Variants in RANBP2 observed in about 807,000 individuals in gnomAD.
RANBP2 encodes E3 SUMO-protein ligase RanBP2.
In RANBP2, 57 loss-of-function variants were observed where a neutral mutation model predicts 303.6. The ratio of observed to expected loss-of-function variants is 0.19; its 90% CI spans 0.15 to 0.23. The LOEUF (loss-of-function observed/expected upper bound fraction) is 0.23, where lower values mean the gene tolerates loss of function less well. RANBP2 is among the 10% of genes least tolerant of loss of function. The pLI is 1.00. For synonymous variants in RANBP2, 1,167 were observed against 1,301.5 expected, an observed-to-expected ratio of 0.90 and a Z score of 2.23; for missense variants, 3,138 against 3,780.8, an observed-to-expected ratio of 0.83 and a Z score of 4.46.
the RANBP2 span, among the ~76,000 whole-genome samples, chr2:109,582,233 C>T: frequency 2.0e-5 from 3 of 152,084 alleles, no homozygotes; most frequent in Admixed American, 2.0e-4. Flanking sequence ...TGAAAAAATG[C>T]TCATGGAATC....
chr2:109,130,243 C>G, the RANBP2 span: 2 of 906,494 alleles, frequency 2.2e-6, no homozygotes, highest in East Asian at 3.4e-5. Context: ...TCCGCTGTTG[C>G]TCTTCCTCCA....
the RANBP2 span, among the ~76,000 whole-genome samples, chr2:109,015,181 G>C: frequency 4.5e-4 from 65 of 145,332 alleles, no homozygotes; most frequent in Non-Finnish European, 8.2e-4. Context: ...AACTCAGAGA[G>C]TTGTGGTGGG....
At chr2:109,493,204 T>C in the RANBP2 span, among the ~76,000 whole-genome samples, 1 of 148,994 alleles carries the variant, frequency 6.7e-6, no homozygotes, top group Admixed American at 6.7e-5. Flanking sequence ...ACATATATCA[T>C]ATAAACACTC....
intron 7 of RANBP2, among the ~76,000 whole-genome samples, chr2:108,742,377 C>G (rs1696180958): frequency 6.6e-6 from 1 of 152,084 alleles, no homozygotes; most frequent in Non-Finnish European, 1.5e-5. Context: ...AATCTCAGCT[C>G]ACTGCAACCT....
chr2:109,713,350 C>T, the RANBP2 span, among the ~76,000 whole-genome samples: 1 of 152,114 alleles, frequency 6.6e-6, no homozygotes, highest in Non-Finnish European at 1.5e-5. Flanking sequence ...TAAATACAAA[C>T]ATCACTTCAT....
At chr2:109,061,776 T>C in the RANBP2 span, among the ~76,000 whole-genome samples, 1 of 152,196 alleles carries the variant, frequency 6.6e-6, no homozygotes, top group African/African-American at 2.4e-5. Context: ...TGTGGGGCAC[T>C]GACCTCATTT....
At chr2:109,729,573 C>T in the RANBP2 span, among the ~76,000 whole-genome samples, 14,279 of 152,166 alleles carry the variant, frequency 0.094, 919 homozygotes, top group African/African-American at 0.17. Context: ...TCGCTTGAAC[C>T]TGGGAAGTGG....
At chr2:109,661,869 C>T in the RANBP2 span, among the ~76,000 whole-genome samples, 2 of 152,192 alleles carry the variant, frequency 1.3e-5, no homozygotes, top group Non-Finnish European at 2.9e-5. Context: ...ATCACCCACC[C>T]AGATGCCCAG....
At chr2:109,078,402 GAC>G in the RANBP2 span, among the ~76,000 whole-genome samples, 1 of 146,620 alleles carries the variant, frequency 6.8e-6, no homozygotes, top group Non-Finnish European at 1.5e-5. Context: ...GAAAAAGCCA[GAC>G]ACAAAAAGCA....
chr2:108,788,780 C>T, downstream of RANBP2: 1 of 1,588,978 alleles, frequency 6.3e-7, no homozygotes, highest in African/African-American at 1.4e-5. Context: ...ATTATTTAGA[C>T]TTATGGCCAG....
At chr2:109,009,773 T>C in the RANBP2 span, among the ~76,000 whole-genome samples, 2 of 150,658 alleles carry the variant, frequency 1.3e-5, no homozygotes, top group East Asian at 3.9e-4. Context: ...TCTCAAAGTC[T>C]TGGGCTCAAG....
the RANBP2 span, among the ~76,000 whole-genome samples, chr2:109,403,095 C>T: frequency 2.6e-5 from 4 of 152,148 alleles, no homozygotes; most frequent in Non-Finnish European, 5.9e-5. Flanking sequence ...TTGGTGTTGT[C>T]TTAAAATAGA....
At chr2:109,172,652 T>C in the RANBP2 span, among the ~76,000 whole-genome samples, 1 of 152,162 alleles carries the variant, frequency 6.6e-6, no homozygotes, top group Non-Finnish European at 1.5e-5. Flanking sequence ...CAGGAAGCAA[T>C]TGTTTGGGAT....
At chr2:108,949,954 A>C in the RANBP2 span, among the ~76,000 whole-genome samples, 1 of 152,200 alleles carries the variant, frequency 6.6e-6, no homozygotes, top group Non-Finnish European at 1.5e-5. Context: ...TGAAATAACA[A>C]ATGTATATGG....
At chr2:109,557,226 G>T in the RANBP2 span, among the ~76,000 whole-genome samples, 1 of 151,998 alleles carries the variant, frequency 6.6e-6, no homozygotes, top group Non-Finnish European at 1.5e-5. Context: ...ACAAACATAA[G>T]TTTTTTAAAA....
chr2:109,016,941 G>C, the RANBP2 span, among the ~76,000 whole-genome samples: 2 of 152,184 alleles, frequency 1.3e-5, no homozygotes, highest in Admixed American at 1.3e-4. Context: ...TGGAAACTCG[G>C]GTGTGAAAGG....
At chr2:109,492,481 C>T in the RANBP2 span, among the ~76,000 whole-genome samples, 1 of 152,160 alleles carries the variant, frequency 6.6e-6, no homozygotes. Context: ...GGGTGACGTT[C>T]AGAACACTCA....
At chr2:109,496,317 T>A in the RANBP2 span, among the ~76,000 whole-genome samples, 8 of 152,146 alleles carry the variant, frequency 5.3e-5, no homozygotes, top group Non-Finnish European at 1.0e-4. Context: ...GAGTGCTGAT[T>A]GGTGCATTTT....
the RANBP2 span, among the ~76,000 whole-genome samples, chr2:109,068,662 G>C: frequency 1.3e-5 from 2 of 152,118 alleles, no homozygotes; most frequent in Admixed American, 1.3e-4. Flanking sequence ...AAGAGTGTTG[G>C]ACTTGGAGTC....
Sources: gnomAD v4.1 joint callset for allele counts (sites outside exome capture counted in the v4.1 genomes callset) on GRCh38, gnomAD v4.1.1 for gene constraint, MANE v1.5 for transcripts, NCBI Gene and HGNC (gene_info 2026-07-23, HGNC 2026-07-21) for gene names.